COL19A1: variants seen among roughly 807,000 people sequenced by gnomAD.
The protein encoded by COL19A1 is collagen type XIX alpha 1 chain, also known as collagen alpha-1(XIX) chain.
A neutral mutation model predicts 190.2 loss-of-function variants in COL19A1; 159 were observed. The observed-to-expected ratio is 0.84, with a 90% CI of 0.73 to 0.95. The LOEUF (loss-of-function observed/expected upper bound fraction) is 0.95, where lower values mean the gene tolerates loss of function less well. Ranked by LOEUF, COL19A1 falls within the 40% of genes least tolerant of loss-of-function variation. COL19A1 has a pLI of 0.00. For missense variants in COL19A1, 1,418 were observed against 1,431.9 expected (o/e 0.99, Z 0.16); for synonymous variants, 509 against 458.9 (o/e 1.11, Z -1.39).
At chr6:70,036,037 T>C in intron 14 of COL19A1, 98 bp downstream of exon 14, 3 of 1,194,808 alleles carry the variant, frequency 2.5e-6, no homozygotes, top group South Asian at 1.3e-5. Context: ...GTCACAGAGT[T>C]AAGAATTGAA....
At chr6:70,001,089 C>T (rs929592899) in intron 11 of COL19A1, among the ~76,000 whole-genome samples, 1 of 152,146 alleles carries the variant, frequency 6.6e-6, no homozygotes, top group African/African-American at 2.4e-5. Flanking sequence ...CTGGGTATGG[C>T]TAGCCAGTTT....
intron 41 of COL19A1, among the ~76,000 whole-genome samples, chr6:70,172,352 G>A (rs113307589): frequency 6.6e-6 from 1 of 152,152 alleles, no homozygotes; most frequent in Non-Finnish European, 1.5e-5. Flanking sequence ...CAGTCTGGAG[G>A]AATAATGTTC....
intron 17 of COL19A1, 107 bp downstream of exon 17, chr6:70,122,049 T>C (rs1784915587): frequency 1.5e-6 from 1 of 649,504 alleles, no homozygotes; most frequent in Non-Finnish European, 2.6e-6. Flanking sequence ...TTATACATGA[T>C]CACATGTATT....
chr6:69,867,599 G>T (rs1378164742), intron 1 of COL19A1: 1 of 152,358 alleles, frequency 6.6e-6, no homozygotes, highest in Non-Finnish European at 1.5e-5. Context: ...AACCAAGCAC[G>T]CCGTCGGGCA....
chr6:70,172,580 G>A (rs1187046764), intron 41 of COL19A1, among the ~76,000 whole-genome samples: 1 of 152,190 alleles, frequency 6.6e-6, no homozygotes, highest in East Asian at 1.9e-4. Context: ...TATGGGTTCA[G>A]TGGCAAGGTT....
chr6:69,922,075 G>T lies in COL19A1; in HGVS notation c.267-5834G>T, dbSNP rs573919127. Among the ~76,000 whole-genome samples the T allele has an allele frequency of 5.9e-5, 9 of 152,134 alleles. No homozygotes were observed. The South Asian group carries it at 1.9e-3, about 32-fold the overall frequency. On this transcript the variant is annotated intron_variant, in intron 4 of 50. Coordinates refer to ENST00000620364, the MANE Select transcript of COL19A1 (RefSeq NM_001858.6). ...TGGCAAGACCCAGAGAAACTATTCT[G>T]TGTCACGTTAAGTGTTTGTGCTTGT...
chr6:70,102,654 T>C (rs1783708151), intron 16 of COL19A1, among the ~76,000 whole-genome samples: 1 of 152,206 alleles, frequency 6.6e-6, no homozygotes, highest in African/African-American at 2.4e-5. Context: ...TATAATTTCA[T>C]GATTTGGTAA....
At chr6:69,938,633 A>C (rs1773266187) in intron 9 of COL19A1, among the ~76,000 whole-genome samples, 2 of 152,144 alleles carry the variant, frequency 1.3e-5, no homozygotes, top group African/African-American at 4.8e-5. Context: ...GATCGTGGAA[A>C]ATTACAAGGC....
intron 15 of COL19A1, among the ~76,000 whole-genome samples, chr6:70,069,841 T>C (rs1781445686): frequency 6.6e-6 from 1 of 152,190 alleles, no homozygotes; most frequent in African/African-American, 2.4e-5. Flanking sequence ...CCTAATAGCA[T>C]TCTATTCTTT....
intron 44 of COL19A1, among the ~76,000 whole-genome samples, chr6:70,184,330 C>T (rs1179461508): frequency 6.6e-6 from 1 of 152,196 alleles, no homozygotes; most frequent in African/African-American, 2.4e-5. Context: ...TCTTATTTCT[C>T]AGGATGACCT....
chr6:69,980,679 G>A (rs142645833), intron 11 of COL19A1, among the ~76,000 whole-genome samples: 5 of 152,296 alleles, frequency 3.3e-5, no homozygotes, highest in African/African-American at 1.2e-4. Context: ...GCTGAGAAAA[G>A]ACAACTCAAT....
intron 14 of COL19A1, among the ~76,000 whole-genome samples, chr6:70,048,472 AC>A (rs1480146150): frequency 6.6e-6 from 1 of 152,102 alleles, no homozygotes; most frequent in Admixed American, 6.6e-5. Context: ...GTAACAAACA[AC>A]AATCATTGTC....
At chr6:70,074,569 C>G (rs1781762917) in intron 15 of COL19A1, among the ~76,000 whole-genome samples, 2 of 150,718 alleles carry the variant, frequency 1.3e-5, no homozygotes, top group South Asian at 4.2e-4. Context: ...TCCAAGTTAC[C>G]AACTTCACAG....
chr6:70,178,393 AAAAG>A (rs1462771074), intron 42 of COL19A1, among the ~76,000 whole-genome samples: 1 of 152,186 alleles, frequency 6.6e-6, no homozygotes, highest in African/African-American at 2.4e-5. Context: ...AAAATAAAAT[AAAAG>A]CACTGACTGA....
chr6:70,142,600 C>T (rs1220328554), intron 22 of COL19A1, among the ~76,000 whole-genome samples, 167 bp from the exon 23 acceptor site: 1 of 152,102 alleles, frequency 6.6e-6, no homozygotes, highest in Admixed American at 6.6e-5. Flanking sequence ...TCTTGGTAAT[C>T]ACAAAGCACA....
intron 4 of COL19A1, among the ~76,000 whole-genome samples, chr6:69,921,180 A>G (rs1045152870): frequency 1.4e-4 from 18 of 130,622 alleles, no homozygotes; most frequent in Non-Finnish European, 1.4e-4. Context: ...TACGTATCAC[A>G]TATATTCATA....
chr6:70,181,937 G>T (rs564982416), intron 44 of COL19A1, among the ~76,000 whole-genome samples: 1 of 152,128 alleles, frequency 6.6e-6, no homozygotes, highest in Admixed American at 6.5e-5. Context: ...GGAAAGATAC[G>T]GAGGGAGATG....
chr6:70,065,895 A>C (rs1781162412), intron 14 of COL19A1, among the ~76,000 whole-genome samples: 1 of 152,240 alleles, frequency 6.6e-6, no homozygotes, highest in African/African-American at 2.4e-5. Flanking sequence ...AATGCAAATC[A>C]AAACCACAAT....
intron 11 of COL19A1, among the ~76,000 whole-genome samples, chr6:69,994,284 TG>T (rs1424270025): frequency 6.6e-6 from 1 of 152,156 alleles, no homozygotes; most frequent in East Asian, 1.9e-4. Context: ...CTTTTCATCT[TG>T]TTCACTCTAA....
Sources: allele counts gnomAD v4.1 joint callset (sites outside exome capture counted in the v4.1 genomes callset), GRCh38; gene constraint gnomAD v4.1.1; transcripts MANE v1.5; gene names NCBI Gene and HGNC (gene_info 2026-07-23, HGNC 2026-07-21).